Variants in CHCHD3 observed in about 807,000 individuals in gnomAD.
CHCHD3 encodes MICOS complex subunit MIC19.
In CHCHD3, 20 loss-of-function variants were observed where a neutral mutation model predicts 38.2. The observed-to-expected ratio is 0.52, with a 90% CI of 0.37 to 0.76. The LOEUF (loss-of-function observed/expected upper bound fraction) is 0.76. Among genes scored for constraint, CHCHD3 ranks in the 30% least tolerant of loss-of-function variants. The probability of loss-of-function intolerance (pLI) is 0.00; values close to 1 mark genes in which losing one functional copy is unlikely to be tolerated. For missense variants in CHCHD3, 245 were observed against 279.2 expected, an observed-to-expected ratio of 0.88 and a Z score of 0.87; for synonymous variants, 82 against 100.0, an observed-to-expected ratio of 0.82 and a Z score of 1.07.
intron 2 of CHCHD3, among the ~76,000 whole-genome samples, chr7:133,040,272 G>A (rs1813796421): frequency 6.6e-6 from 1 of 152,194 alleles, no homozygotes; most frequent in Admixed American, 6.5e-5. Context: ...TACTGAAGGA[G>A]TGAAGGACAT....
intron 6 of CHCHD3, among the ~76,000 whole-genome samples, chr7:132,815,786 G>A (rs765642875): frequency 2.6e-5 from 4 of 151,860 alleles, no homozygotes; most frequent in Non-Finnish European, 4.4e-5. Context: ...TTTACGCACC[G>A]TCAGTCAAGG....
At chr7:132,975,719 T>G (rs1166360584) in intron 3 of CHCHD3, among the ~76,000 whole-genome samples, 1 of 152,036 alleles carries the variant, frequency 6.6e-6, no homozygotes, top group Non-Finnish European at 1.5e-5. Flanking sequence ...CCACTTGAGG[T>G]CAGGAGTTCA....
chr7:132,973,365 A>T (rs1811661451), intron 4 of CHCHD3: 1 of 985,354 alleles, frequency 1.0e-6, no homozygotes, highest in African/African-American at 1.7e-5. Flanking sequence ...TATACATAGA[A>T]ATGACTTTTC....
chr7:132,962,361 A>G (rs1811342499), intron 4 of CHCHD3, among the ~76,000 whole-genome samples: 1 of 152,222 alleles, frequency 6.6e-6, no homozygotes, highest in African/African-American at 2.4e-5. Context: ...ATATTTAGAT[A>G]TTTATTCATC....
At chr7:132,955,542 G>GT (rs112242604) in intron 4 of CHCHD3, among the ~76,000 whole-genome samples, 6,920 of 135,562 alleles carry the variant, frequency 0.051, 176 homozygotes, top group Non-Finnish European at 0.059. Flanking sequence ...GGGGTTTTTT[G>GT]TTTTTTTTTT....
chr7:133,077,615 G>C (rs1421571797), intron 1 of CHCHD3, among the ~76,000 whole-genome samples: 2 of 152,208 alleles, frequency 1.3e-5, no homozygotes, highest in Non-Finnish European at 2.9e-5. Context: ...AGATAAACTT[G>C]CGAAAGATAG....
intron 6 of CHCHD3, among the ~76,000 whole-genome samples, chr7:132,820,347 T>C (rs1381388906): frequency 6.6e-6 from 1 of 152,168 alleles, no homozygotes; most frequent in Non-Finnish European, 1.5e-5. Context: ...ACTAGAGTAA[T>C]AGTATTAAGA....
intron 5 of CHCHD3, among the ~76,000 whole-genome samples, chr7:132,882,579 A>G (rs946791611): frequency 1.3e-5 from 2 of 151,702 alleles, no homozygotes; most frequent in Non-Finnish European, 2.9e-5. Flanking sequence ...AAAGCCTAAC[A>G]GTTTATTTGT....
chr7:132,801,612 C>T (rs1198342475), intron 6 of CHCHD3, among the ~76,000 whole-genome samples: 1 of 152,212 alleles, frequency 6.6e-6, no homozygotes, highest in African/African-American at 2.4e-5. Flanking sequence ...CTGGACATCA[C>T]CTAGCTCAGT....
chr7:132,796,660 A>T (rs1450942907), intron 6 of CHCHD3, 83 bp from the exon 7 acceptor site: 2 of 1,192,230 alleles, frequency 1.7e-6, no homozygotes, highest in Non-Finnish European at 2.4e-6. Context: ...TAAAACGCAC[A>T]GTAAGACACA....
intron 6 of CHCHD3, among the ~76,000 whole-genome samples, chr7:132,821,923 C>T (rs183891424): frequency 7.9e-5 from 12 of 151,878 alleles, no homozygotes; most frequent in East Asian, 1.9e-4. Flanking sequence ...CCACCGCGCC[C>T]GGCTAATTTT....
intron 6 of CHCHD3, chr7:132,815,672 T>A (rs1337948634): frequency 4.5e-6 from 2 of 448,880 alleles, no homozygotes; most frequent in Non-Finnish European, 8.9e-6. Context: ...AGAAAAGATA[T>A]GAAAATTGCA....
At chr7:132,949,983 T>C (rs924370199) in intron 4 of CHCHD3, among the ~76,000 whole-genome samples, 2 of 152,094 alleles carry the variant, frequency 1.3e-5, no homozygotes, top group Non-Finnish European at 2.9e-5. Flanking sequence ...CTCAGTTGTG[T>C]TTAGGAATAT....
intron 2 of CHCHD3, among the ~76,000 whole-genome samples, chr7:133,049,682 G>C (rs1249602878): frequency 6.6e-6 from 1 of 152,114 alleles, no homozygotes; most frequent in Non-Finnish European, 1.5e-5. Context: ...AAACAGCAGG[G>C]CTATTCTTTT....
chr7:133,044,521 G>A (rs1341770978), intron 2 of CHCHD3, among the ~76,000 whole-genome samples: 3 of 152,046 alleles, frequency 2.0e-5, no homozygotes, highest in Non-Finnish European at 2.9e-5. Flanking sequence ...AATACAAGAA[G>A]TACTAAAGGA....
At chr7:132,799,202 G>A (rs1230530623) in intron 6 of CHCHD3, among the ~76,000 whole-genome samples, 3 of 152,134 alleles carry the variant, frequency 2.0e-5, no homozygotes, top group African/African-American at 7.2e-5. Context: ...ATCTGTAAGG[G>A]TAAAGGTTTG....
chr7:132,918,245 T>G (rs1585637008), intron 4 of CHCHD3, among the ~76,000 whole-genome samples: 1 of 152,154 alleles, frequency 6.6e-6, no homozygotes, highest in African/African-American at 2.4e-5. Flanking sequence ...AGAAGGAAAC[T>G]GAATCTCAGA....
At chr7:133,079,113 T>A (rs1815094457) in intron 1 of CHCHD3, among the ~76,000 whole-genome samples, 1 of 152,216 alleles carries the variant, frequency 6.6e-6, no homozygotes, top group Non-Finnish European at 1.5e-5. Context: ...AATGTAAGAC[T>A]CCCATTTCCC....
At chr7:132,897,808 T>G (rs1332372659) in intron 4 of CHCHD3, among the ~76,000 whole-genome samples, 1 of 152,246 alleles carries the variant, frequency 6.6e-6, no homozygotes, top group Non-Finnish European at 1.5e-5. Flanking sequence ...TCTTCTGGAA[T>G]GCAGATGCTA....
Sources: gnomAD v4.1 joint callset for allele counts (sites outside exome capture counted in the v4.1 genomes callset) on GRCh38, gnomAD v4.1.1 for gene constraint, MANE v1.5 for transcripts, NCBI Gene and HGNC (gene_info 2026-07-23, HGNC 2026-07-21) for gene names.